The following PLEKHG1 variants were observed in gnomAD, a reference collection of about 807,000 sequenced individuals.
The protein encoded by PLEKHG1 is pleckstrin homology domain-containing family G member 1.
In PLEKHG1, 44 loss-of-function variants were observed where a neutral mutation model predicts 100.8. The observed-to-expected ratio is 0.44, with a 90% CI of 0.34 to 0.56. The LOEUF is 0.56. PLEKHG1 is among the 20% of genes least tolerant of loss of function. PLEKHG1 has a pLI of 0.01. For missense variants in PLEKHG1, 1,545 were observed against 1,720.9 expected (o/e 0.90, Z 1.81); for synonymous variants, 640 against 662.5 (o/e 0.97, Z 0.52).
Position 150,831,475 on chromosome 6 carries a change from C to T in PLEKHG1, c.2364C>T (p.Asp788=), listed in dbSNP as rs1195325363. The T allele has an allele frequency of 1.9e-6, 3 of 1,614,060 alleles. No homozygotes were observed. Among genetic ancestry groups the T allele is most frequent in the Non-Finnish European group, 2.5e-6 (3 of 1,180,038 alleles). Residue 788 remains aspartate (D), a synonymous_variant, in exon 15 of 16, where the codon GAC becomes GAT. Transcript: ENST00000358517. The surrounding 1 kb of genome is among the most constrained non-coding windows in gnomAD (Gnocchi z 4.1). ...GCCTGAGGCCATTTGTTTCCCAAGA[C>T]AGCCTCCAGCTCAGTGAGGACGAAG...
At chr6:150,735,205 C>T (rs1583027233) in intron 2 of PLEKHG1, among the ~76,000 whole-genome samples, 1 of 151,964 alleles carries the variant, frequency 6.6e-6, no homozygotes, top group African/African-American at 2.4e-5. Flanking sequence ...AGGCTGGTCT[C>T]GAACTCCCGA....
chr6:150,616,910 C>A (rs996144248), intron 1 of PLEKHG1, among the ~76,000 whole-genome samples: 1 of 125,216 alleles, frequency 8.0e-6, no homozygotes, highest in Non-Finnish European at 1.7e-5. Context: ...CTATAAAAAT[C>A]ACTGGTAAAT....
chr6:150,737,330 G>T (rs527570050), intron 2 of PLEKHG1, among the ~76,000 whole-genome samples: 9 of 146,564 alleles, frequency 6.1e-5, no homozygotes, highest in Admixed American at 2.8e-4. Flanking sequence ...TGTCGCCCAG[G>T]CTGGAGTGCG....
At chr6:150,762,652 C>T (rs1784224757) in intron 2 of PLEKHG1, among the ~76,000 whole-genome samples, 2 of 152,142 alleles carry the variant, frequency 1.3e-5, no homozygotes, top group African/African-American at 4.8e-5. Context: ...AGGGAAAACT[C>T]TATCTCCATA....
At chr6:150,806,607 A>C (rs1258050552) in intron 7 of PLEKHG1, among the ~76,000 whole-genome samples, 1 of 150,132 alleles carries the variant, frequency 6.7e-6, no homozygotes, top group African/African-American at 2.5e-5. Flanking sequence ...AATTGCTTGA[A>C]CCCGGGAGGT....
rs151024094 is a variant in PLEKHG1 at position 150,705,437 on chromosome 6, C to T, written c.-98-28147C>T. On this transcript the variant is annotated intron_variant, in intron 3 of 3. Coordinates refer to the PLEKHG1 transcript ENST00000367326. ...TTGTCATGGGGTTTCCAGAGAGAAACATGGAAAGCGGCGGGGACCGCCTGT... is the reference window on the plus strand; with the variant it reads ...TTGTCATGGGGTTTCCAGAGAGAAATATGGAAAGCGGCGGGGACCGCCTGT... Among the ~76,000 whole-genome samples, 1,383 of 152,350 alleles carry T rather than the reference C, an allele frequency of 9.1e-3. 17 individuals are homozygous for T. The highest frequency in any genetic ancestry group is 0.045 in the South Asian group (216 of 4,834).
intron 1 of PLEKHG1, among the ~76,000 whole-genome samples, chr6:150,616,190 CA>C (rs1213655283): frequency 2.0e-5 from 3 of 152,062 alleles, no homozygotes; most frequent in Non-Finnish European, 4.4e-5. Context: ...TTTTTTGCCC[CA>C]CAGATCTTAG....
chr6:150,756,282 T>C (rs1398070917), intron 2 of PLEKHG1, among the ~76,000 whole-genome samples: 1 of 152,234 alleles, frequency 6.6e-6, no homozygotes, highest in Non-Finnish European at 1.5e-5. Flanking sequence ...TGCCTCTGCC[T>C]GCTCCCCTGC....
intron 1 of PLEKHG1, among the ~76,000 whole-genome samples, chr6:150,725,153 G>A (rs1044368920): frequency 6.6e-6 from 1 of 152,178 alleles, no homozygotes; most frequent in Non-Finnish European, 1.5e-5. Context: ...GTGAGGGCCT[G>A]TTCCTCCTAG....
At chr6:150,841,696 C>T (rs1777538397) in exon 16 of PLEKHG1, 1 of 152,216 alleles carries the variant, frequency 6.6e-6, no homozygotes, top group Admixed American at 6.5e-5. Flanking sequence ...CTTCTGGGAA[C>T]CACTTAACTC....
intron 1 of PLEKHG1, among the ~76,000 whole-genome samples, chr6:150,622,247 T>TGA (rs1347531921): frequency 1.3e-5 from 2 of 152,202 alleles, no homozygotes; most frequent in Non-Finnish European, 2.9e-5. Context: ...CATGCTGTGG[T>TGA]GAGGGGTAAT....
chr6:150,642,876 T>C (rs903056770), intron 2 of PLEKHG1, among the ~76,000 whole-genome samples: 3 of 152,248 alleles, frequency 2.0e-5, no homozygotes, highest in Non-Finnish European at 2.9e-5. Flanking sequence ...AGTATTTTTC[T>C]ATGTAACCCC....
rs1362281096 is a variant in PLEKHG1 at position 150,785,720 on chromosome 6, G to T, written c.513-670G>T. 2.0e-5 allele frequency among the ~76,000 whole-genome samples: 3 copies of T among 151,936 alleles called. No homozygotes were observed. The South Asian group carries it at 6.2e-4, about 32-fold the overall frequency. ...GAGCCATGGAGTCCCCAACCCCCAG[G>T]TCACAGACAATACCAGTTTGTGACC... On this transcript the variant is annotated intron_variant, in intron 3 of 15. Coordinates refer to ENST00000358517, the Ensembl canonical transcript of PLEKHG1.
In PLEKHG1 at chr6:150,818,233, T is replaced by C; in HGVS notation, c.1312+17T>C. On this transcript the variant is annotated intron_variant, in intron 11 of 15. Transcript: ENST00000358517. ...ATGCCATTCGTAAGTTTTATTTCCTTAAAACAATTTGAAATTTCATTGTCT... is the reference window on the plus strand; with the variant it reads ...ATGCCATTCGTAAGTTTTATTTCCTCAAAACAATTTGAAATTTCATTGTCT... 1.2e-5 allele frequency: 19 copies of C among 1,557,538 alleles called. No individual in the cohort carries two copies. The highest frequency in any genetic ancestry group is 1.7e-5 in the Non-Finnish European group (19 of 1,129,836).
chr6:150,767,837 C>T (rs767070491), intron 2 of PLEKHG1, among the ~76,000 whole-genome samples: 4 of 152,174 alleles, frequency 2.6e-5, no homozygotes, highest in Non-Finnish European at 4.4e-5. Flanking sequence ...TTTTATTTTA[C>T]GTTATTTCAG....
chr6:150,758,399 C>T (rs911882582), intron 2 of PLEKHG1, among the ~76,000 whole-genome samples: 19 of 151,534 alleles, frequency 1.3e-4, no homozygotes, highest in South Asian at 1.0e-3. Context: ...TGCAATGGCA[C>T]GATCTTGGCT....
At chr6:150,644,339 T>G (rs867819311) in intron 2 of PLEKHG1, among the ~76,000 whole-genome samples, 2 of 143,870 alleles carry the variant, frequency 1.4e-5, no homozygotes, top group African/African-American at 5.4e-5. Flanking sequence ...TTCGTGTTTT[T>G]TTTTTTTTTT....
intron 1 of PLEKHG1, among the ~76,000 whole-genome samples, chr6:150,628,527 AACACACACACACACAC>A (rs565121317): frequency 8.0e-4 from 76 of 94,786 alleles, no homozygotes; most frequent in Middle Eastern, 6.4e-3. Context: ...TAGATAGGAA[AACACACACACACACAC>A]ACACACACAC....
At chr6:150,709,071 T>C (rs1781143540) in intron 3 of PLEKHG1, among the ~76,000 whole-genome samples, 1 of 152,216 alleles carries the variant, frequency 6.6e-6, no homozygotes, top group Non-Finnish European at 1.5e-5. Context: ...CGGTGGCTCA[T>C]GCCTGTAATC....
Sources: gnomAD v4.1 joint callset for allele counts (sites outside exome capture counted in the v4.1 genomes callset) on GRCh38, gnomAD v4.1.1 for gene constraint, Gnocchi (gnomAD v3.1) non-coding constraint, MANE v1.5 for transcripts, NCBI Gene and HGNC (gene_info 2026-07-23, HGNC 2026-07-21) for gene names.